Variants in PLD5 observed in about 807,000 individuals in gnomAD.
PLD5 encodes phospholipase D family member 5.
A neutral mutation model predicts 61.1 loss-of-function variants in PLD5; 36 were observed. The ratio of observed to expected loss-of-function variants is 0.59; its 90% CI spans 0.45 to 0.78. PLD5 has a LOEUF of 0.78. Among genes scored for constraint, PLD5 ranks in the 30% least tolerant of loss-of-function variants. The pLI is 0.00. For synonymous variants in PLD5, 243 were observed against 242.8 expected (o/e 1.00, Z -0.01); for missense variants, 515 against 644.4 (o/e 0.80, Z 2.17).
At chr1:242,235,032 A>C (rs901431744) in intron 4 of PLD5, among the ~76,000 whole-genome samples, 1 of 152,204 alleles carries the variant, frequency 6.6e-6, no homozygotes, top group Non-Finnish European at 1.5e-5. Context: ...AGTATGTTAT[A>C]GAGTTTCGTG....
chr1:242,180,190 T>G (rs1667434362), intron 5 of PLD5, among the ~76,000 whole-genome samples: 1 of 152,118 alleles, frequency 6.6e-6, no homozygotes, highest in African/African-American at 2.4e-5. Context: ...GCACTCATTG[T>G]GAGATGTGGA....
intron 8 of PLD5, among the ~76,000 whole-genome samples, chr1:242,102,902 T>A (rs1660789774): frequency 6.6e-6 from 1 of 152,206 alleles, no homozygotes; most frequent in Admixed American, 6.5e-5. Context: ...TGAAGCTGAT[T>A]AAGTACTGTA....
At chr1:242,299,584 T>C (rs1675911427) in intron 2 of PLD5, among the ~76,000 whole-genome samples, 1 of 152,182 alleles carries the variant, frequency 6.6e-6, no homozygotes, top group Admixed American at 6.5e-5. Flanking sequence ...CAAAACAAAA[T>C]ATCCAGGCAG....
At chr1:242,451,530 G>A (rs1301365860) in intron 1 of PLD5, among the ~76,000 whole-genome samples, 1 of 143,474 alleles carries the variant, frequency 7.0e-6, no homozygotes, top group Non-Finnish European at 1.5e-5. Flanking sequence ...CACGATCATG[G>A]CTCAGTGCAA....
At chr1:242,106,628 CCTCCAATTTCGCT>C (rs1661076261) in intron 8 of PLD5, among the ~76,000 whole-genome samples, 1 of 152,206 alleles carries the variant, frequency 6.6e-6, no homozygotes, top group South Asian at 2.1e-4. Context: ...CTCACACAGC[CCTCCAATTTCGCT>C]CTTCTCCTGT....
At chr1:242,153,756 C>G (rs555445982) in intron 5 of PLD5, among the ~76,000 whole-genome samples, 3 of 152,030 alleles carry the variant, frequency 2.0e-5, no homozygotes, top group Admixed American at 2.0e-4. Flanking sequence ...GTTACTGTAG[C>G]CTTGTAGTAT....
At chr1:242,181,656 G>A (rs967584278) in intron 5 of PLD5, among the ~76,000 whole-genome samples, 2 of 125,680 alleles carry the variant, frequency 1.6e-5, no homozygotes, top group Non-Finnish European at 3.4e-5. Flanking sequence ...TCTCTTCAAT[G>A]GTTTTTTTTT....
At chr1:242,394,348 GTA>G (rs1275655805) in intron 1 of PLD5, among the ~76,000 whole-genome samples, 1 of 89,606 alleles carries the variant, frequency 1.1e-5, no homozygotes, top group East Asian at 2.9e-4. Context: ...GTATATATGA[GTA>G]TATATGTGTG....
At chr1:242,362,633 G>C (rs2149238141) in intron 1 of PLD5, among the ~76,000 whole-genome samples, 1 of 152,198 alleles carries the variant, frequency 6.6e-6, no homozygotes, top group African/African-American at 2.4e-5. Context: ...CTCATCTGGT[G>C]ACTTATCAAA....
intron 5 of PLD5, among the ~76,000 whole-genome samples, chr1:242,174,595 C>A (rs563114241): frequency 4.6e-5 from 7 of 152,160 alleles, no homozygotes; most frequent in Admixed American, 3.3e-4. Flanking sequence ...AAGACACATG[C>A]GCATGTATGT....
chr1:242,389,380 C>T (rs1662787996), intron 1 of PLD5, among the ~76,000 whole-genome samples: 1 of 151,854 alleles, frequency 6.6e-6, no homozygotes, highest in Non-Finnish European at 1.5e-5. Flanking sequence ...TTTTCGTTAT[C>T]CAAAAAAACA....
At chr1:242,119,045 G>A (rs1025149649) in intron 6 of PLD5, among the ~76,000 whole-genome samples, 5 of 152,156 alleles carry the variant, frequency 3.3e-5, no homozygotes, top group African/African-American at 1.2e-4. Context: ...AGTAGAAGAA[G>A]AGGGAAAATA....
chr1:242,382,128 C>CAAAAAAAAAAAAA lies in PLD5; in HGVS notation c.190-33887_190-33886insTTTTTTTTTTTTT, dbSNP rs34582650. ...CAACTGATAGCGGAGACTTTGACAG[C>CAAAAAAAAAAAAA]AAAAAAAAAAACAAAACAAAAAACT... On this transcript the variant is annotated intron_variant, in intron 1 of 9. Coordinates refer to ENST00000536534, the MANE Select transcript of PLD5 (RefSeq NM_001372062.1). 3.5e-3 allele frequency among the ~76,000 whole-genome samples: 439 copies of CAAAAAAAAAAAAA among 125,182 alleles called. 11 individuals carry two copies. Among genetic ancestry groups the CAAAAAAAAAAAAA allele is most frequent in the African/African-American group, 5.8e-3 (191 of 32,936 alleles). 82.1% of individuals were successfully genotyped at this position (125,182 alleles called of 152,430 possible).
In PLD5 at chr1:242,231,085, T is replaced by C. The variant is rs1047924617; in HGVS notation, c.608-10970A>G. ...TACTTGAGTAATATTGCCTCAATTA[T>C]GCATAAAATTTAAACATTCTACACT... On this transcript the variant is annotated intron_variant, in intron 4 of 9. Coordinates refer to ENST00000536534, the MANE Select transcript of PLD5 (RefSeq NM_001372062.1). Among the ~76,000 whole-genome samples, 8 of 152,352 alleles carry C rather than the reference T, an allele frequency of 5.3e-5. No homozygotes were observed. In the East Asian group the frequency reaches 5.8e-4, roughly 11 times the overall value.
Position 242,449,258 on chromosome 1 carries a change from A to G in PLD5, c.189+74830T>C. On this transcript the variant is annotated intron_variant, in intron 1 of 9. Transcript: ENST00000536534. ...TGCCTCAGAGCTCAAGTGACTGTTC[A>G]GTCTCATGCTACCAACAGCCATTTT... 12 of 1,445,102 alleles carry G rather than the reference A, an allele frequency of 8.3e-6. No homozygotes were observed. The South Asian group carries it at 1.1e-4, about 13-fold the overall frequency. 89.5% of individuals were successfully genotyped at this position (1,445,102 alleles called of 1,614,324 possible). A position where few individuals can be genotyped will look rare whatever the true frequency, so the allele number is the denominator to read the frequency against.
chr1:242,385,592 C>T (rs1338592703), intron 1 of PLD5, among the ~76,000 whole-genome samples: 5 of 152,116 alleles, frequency 3.3e-5, no homozygotes, highest in Non-Finnish European at 7.3e-5. Context: ...GTCTTTTTCT[C>T]AATCCTTTGA....
chr1:242,515,010 T>C (rs1669057468), intron 1 of PLD5, among the ~76,000 whole-genome samples: 1 of 152,208 alleles, frequency 6.6e-6, no homozygotes, highest in African/African-American at 2.4e-5. Context: ...TAAACTATCA[T>C]GGAAATCTAC....
At chr1:242,159,294 T>C (rs1431948244) in intron 5 of PLD5, among the ~76,000 whole-genome samples, 1 of 152,154 alleles carries the variant, frequency 6.6e-6, no homozygotes, top group Non-Finnish European at 1.5e-5. Context: ...GTGATTACCT[T>C]TAGTGAATCA....
chr1:242,440,824 C>T (rs1666240242), intron 1 of PLD5, among the ~76,000 whole-genome samples: 2 of 152,218 alleles, frequency 1.3e-5, no homozygotes, highest in Admixed American at 1.3e-4. Flanking sequence ...CACTCCGCCT[C>T]CTCCTACTGC....
Sources: gnomAD v4.1 joint callset for allele counts (sites outside exome capture counted in the v4.1 genomes callset) on GRCh38, gnomAD v4.1.1 for gene constraint, MANE v1.5 for transcripts, NCBI Gene and HGNC (gene_info 2026-07-23, HGNC 2026-07-21) for gene names.